Variants in MYRFL observed in about 807,000 individuals in gnomAD.
MYRFL encodes the protein myelin regulatory factor like, also known as myelin regulatory factor-like protein.
In MYRFL, 88 loss-of-function variants were observed where a neutral mutation model predicts 109.4. The ratio of observed to expected loss-of-function variants is 0.80; its 90% CI spans 0.68 to 0.96. MYRFL has a LOEUF of 0.96. MYRFL is among the 40% of genes least tolerant of loss of function. The probability of loss-of-function intolerance (pLI) is 0.00; values close to 1 mark genes in which losing one functional copy is unlikely to be tolerated. For synonymous variants in MYRFL, 324 were observed against 320.9 expected (o/e 1.01, Z -0.10); for missense variants, 957 against 954.9 (o/e 1.00, Z -0.03).
intron 9 of MYRFL, among the ~76,000 whole-genome samples, chr12:69,895,951 G>A (rs1002901680): frequency 2.7e-4 from 41 of 152,162 alleles, no homozygotes; most frequent in African/African-American, 8.9e-4. Context: ...TTAAAAATGC[G>A]AGTTCTCGGG....
intron 5 of MYRFL, among the ~76,000 whole-genome samples, chr12:69,885,683 C>T (rs1886405132): frequency 6.6e-6 from 1 of 152,132 alleles, no homozygotes; most frequent in Non-Finnish European, 1.5e-5. Context: ...AGGAGGCATA[C>T]TCAAATTAAG....
intron 11 of MYRFL, among the ~76,000 whole-genome samples, chr12:69,909,546 G>T (rs989324927): frequency 1.3e-5 from 2 of 151,672 alleles, no homozygotes; most frequent in African/African-American, 2.4e-5. Context: ...GTCAGATAAA[G>T]ATATTAAAAA....
At chr12:69,851,115 G>A (rs1883852709) in intron 1 of MYRFL, among the ~76,000 whole-genome samples, 1 of 152,208 alleles carries the variant, frequency 6.6e-6, no homozygotes, top group East Asian at 1.9e-4. Context: ...ATAATAGGAG[G>A]CAAACTAAAA....
chr12:69,830,990 T>C (rs1325699417), intron 1 of MYRFL, among the ~76,000 whole-genome samples: 1 of 152,160 alleles, frequency 6.6e-6, no homozygotes, highest in African/African-American at 2.4e-5. Flanking sequence ...AAACATTCAA[T>C]ACATGGACAA....
At chr12:69,862,621 G>A (rs1221706976) in intron 2 of MYRFL, among the ~76,000 whole-genome samples, 6 of 151,402 alleles carry the variant, frequency 4.0e-5, no homozygotes, top group African/African-American at 1.5e-4. Context: ...CTTTGCTGAA[G>A]TTGCTTATCA....
At chr12:69,842,891 C>A (rs553768528) in intron 1 of MYRFL, among the ~76,000 whole-genome samples, 32 of 152,352 alleles carry the variant, frequency 2.1e-4, no homozygotes, top group African/African-American at 7.0e-4. Flanking sequence ...ATTGCTATAG[C>A]TGATTTTCTT....
At chr12:69,910,387 C>T (rs183707364) in intron 12 of MYRFL, among the ~76,000 whole-genome samples, 35 of 152,012 alleles carry the variant, frequency 2.3e-4, no homozygotes, top group African/African-American at 6.0e-4. Flanking sequence ...ATGTGAGGAA[C>T]GGCATTGGGC....
At chr12:69,936,398 C>G in intron 18 of MYRFL, 55 bp from the exon 19 acceptor site, 1 of 1,531,462 alleles carries the variant, frequency 6.5e-7, no homozygotes, top group Non-Finnish European at 8.7e-7. Context: ...CAGAAGAAAC[C>G]AGCCTTTCAG....
At chr12:69,860,457 T>C (rs1411099137) in intron 2 of MYRFL, among the ~76,000 whole-genome samples, 1 of 152,188 alleles carries the variant, frequency 6.6e-6, no homozygotes, top group Non-Finnish European at 1.5e-5. Flanking sequence ...AATTGTAACC[T>C]ATATATATCA....
chr12:69,901,861 C>T (rs1280980089), intron 10 of MYRFL, among the ~76,000 whole-genome samples: 4 of 151,644 alleles, frequency 2.6e-5, no homozygotes, highest in Non-Finnish European at 4.4e-5. Flanking sequence ...ACCCTCCCAC[C>T]CCATTACATT....
chr12:69,958,037 G>T, intron 23 of MYRFL, 95 bp downstream of exon 23: 1 of 1,452,858 alleles, frequency 6.9e-7, no homozygotes, highest in Non-Finnish European at 9.1e-7. Context: ...TAGTCACAGG[G>T]CTTGGCTCAG....
At chr12:69,918,311 C>T (rs765644663) in intron 13 of MYRFL, among the ~76,000 whole-genome samples, 21 of 152,042 alleles carry the variant, frequency 1.4e-4, no homozygotes, top group Non-Finnish European at 2.9e-5. Flanking sequence ...AACCAAAGAA[C>T]CGAAAGCAAC....
intron 5 of MYRFL, among the ~76,000 whole-genome samples, chr12:69,881,769 A>G (rs1448058864): frequency 6.6e-6 from 1 of 152,184 alleles, no homozygotes; most frequent in Non-Finnish European, 1.5e-5. Context: ...TTCCAACCTT[A>G]GAAACACAAA....
At chr12:69,897,016 C>T (rs1954018386) in intron 9 of MYRFL, 140 bp from the exon 10 acceptor site, 4 of 662,486 alleles carry the variant, frequency 6.0e-6, no homozygotes, top group African/African-American at 3.5e-5. Flanking sequence ...CAACTTAGAA[C>T]AGAAGGGAAA....
chr12:69,848,108 A>G (rs1433228554), intron 1 of MYRFL, among the ~76,000 whole-genome samples: 4 of 152,128 alleles, frequency 2.6e-5, no homozygotes, highest in African/African-American at 4.8e-5. Flanking sequence ...TGATACATCT[A>G]TCACAAACTA....
intron 11 of MYRFL, chr12:69,904,091 C>A: frequency 2.5e-6 from 1 of 401,694 alleles, no homozygotes; most frequent in Non-Finnish European, 4.5e-6. Flanking sequence ...TGTCATTGGC[C>A]TCACAGGCAG....
At chr12:69,862,782 C>G (rs1285966282) in intron 2 of MYRFL, among the ~76,000 whole-genome samples, 2 of 152,202 alleles carry the variant, frequency 1.3e-5, no homozygotes, top group African/African-American at 4.8e-5. Context: ...ACTTCCAACA[C>G]TACGTTGAAT....
intron 13 of MYRFL, among the ~76,000 whole-genome samples, chr12:69,911,593 G>T (rs918693124): frequency 6.6e-5 from 10 of 152,062 alleles, no homozygotes; most frequent in African/African-American, 2.4e-4. Context: ...GTCTTCATTT[G>T]GTAATGGGTC....
chr12:69,906,146 A>G (rs558254855), intron 11 of MYRFL, among the ~76,000 whole-genome samples: 2 of 152,310 alleles, frequency 1.3e-5, no homozygotes, highest in South Asian at 2.1e-4. Flanking sequence ...GCTTTGCCCT[A>G]TGTGTTTCCT....
Sources: gnomAD v4.1 joint callset for allele counts (sites outside exome capture counted in the v4.1 genomes callset) on GRCh38, gnomAD v4.1.1 for gene constraint, MANE v1.5 for transcripts, NCBI Gene and HGNC (gene_info 2026-07-23, HGNC 2026-07-21) for gene names.